GFOD1: variants seen among roughly 807,000 people sequenced by gnomAD.
The protein encoded by GFOD1 is glucose-fructose oxidoreductase domain-containing protein 1.
Under a neutral mutation model 25.4 loss-of-function variants are expected in GFOD1, and 9 were observed. The observed-to-expected ratio is 0.35, with a 90% CI of 0.21 to 0.62. GFOD1 has a LOEUF of 0.62. GFOD1 is among the 20% of genes least tolerant of loss of function. The pLI is 0.72. For missense variants in GFOD1, 403 were observed against 556.9 expected (o/e 0.72, Z 2.78); for synonymous variants, 253 against 245.6 (o/e 1.03, Z -0.28).
rs150194435 is a variant in GFOD1, at chr6:13,389,719, A to G, written c.254-24057T>C. ...ATGGCACATGTATACCTATGTAACAAACCTGCAAGTTCTGTACATGTACCC... is the reference window on the plus strand; with the variant it reads ...ATGGCACATGTATACCTATGTAACAGACCTGCAAGTTCTGTACATGTACCC... On this transcript the variant is annotated intron_variant, in intron 1 of 1. Transcript: ENST00000379287. Among the ~76,000 whole-genome samples, 207 of 152,278 alleles carry G rather than the reference A, an allele frequency of 1.4e-3. 2 individuals are homozygous for G. In the East Asian group the frequency reaches 0.037, roughly 27 times the overall value.
At chr6:13,455,934 T>C (rs559865047) in intron 1 of GFOD1, among the ~76,000 whole-genome samples, 3 of 152,360 alleles carry the variant, frequency 2.0e-5, no homozygotes, top group East Asian at 1.9e-4. Context: ...ACTAGAGGCA[T>C]ACCTCTGTCT....
chr6:13,427,696 T>G (rs898524055), intron 1 of GFOD1, among the ~76,000 whole-genome samples: 8 of 152,238 alleles, frequency 5.3e-5, no homozygotes, highest in African/African-American at 1.9e-4. Context: ...TTTTCAGAAT[T>G]CAATTTGTAT....
intron 1 of GFOD1, among the ~76,000 whole-genome samples, chr6:13,428,175 T>C (rs1426424947): frequency 2.0e-5 from 3 of 152,178 alleles, no homozygotes; most frequent in African/African-American, 7.2e-5. Context: ...TTGAACTCCT[T>C]TTCTTCTCAG....
At chr6:13,478,075 A>C (rs1284732460) in intron 1 of GFOD1, among the ~76,000 whole-genome samples, 1 of 151,904 alleles carries the variant, frequency 6.6e-6, no homozygotes, top group East Asian at 1.9e-4. Flanking sequence ...AAAAAAAAAA[A>C]AACAAAACAA....
At chr6:13,464,563 A>G (rs1758347295) in intron 1 of GFOD1, among the ~76,000 whole-genome samples, 1 of 152,220 alleles carries the variant, frequency 6.6e-6, no homozygotes, top group Non-Finnish European at 1.5e-5. Context: ...TGGCTAAGCC[A>G]CAACAGCCAG....
chr6:13,392,034 C>T (rs1020396151), intron 1 of GFOD1, among the ~76,000 whole-genome samples: 2 of 152,164 alleles, frequency 1.3e-5, no homozygotes, highest in Admixed American at 6.5e-5. Context: ...CTCTGGTAGA[C>T]ACGAGGAGAC....
chr6:13,365,309 C>T lies in GFOD1; in HGVS notation c.607G>A (p.Val203Met), dbSNP rs1785020765. 4 of 1,614,198 alleles carry T rather than the reference C, an allele frequency of 2.5e-6. No individual in the cohort carries two copies. Among genetic ancestry groups the T allele is most frequent in the Admixed American group, 3.3e-5 (2 of 60,036 alleles). Reference sequence around the variant, plus strand: ...CCCTTGATGTGGTCAGTCTGCTTCACGAAGGTCTTGAGCAGCCCGTGGACC... The same window carrying T: ...CCCTTGATGTGGTCAGTCTGCTTCATGAAGGTCTTGAGCAGCCCGTGGACC... The part of the protein sequence containing the change: ...VKVHGLLKTF[V>M]KQTDHIKGIR... Residue 203 changes from valine (V) to methionine (M), a missense_variant, in exon 2 of 2, where the codon GTG becomes ATG. Transcript: ENST00000379287. This position sits in a 1 kb window ranked among gnomAD's most constrained non-coding sequence, Gnocchi z 9.2.
At chr6:13,426,083 C>T (rs1238510022) in intron 1 of GFOD1, among the ~76,000 whole-genome samples, 1 of 152,234 alleles carries the variant, frequency 6.6e-6, no homozygotes, top group Non-Finnish European at 1.5e-5. Context: ...AGCTCTACCT[C>T]TAAGTCTCCA....
At chr6:13,398,595 A>G (rs1785782654) in intron 1 of GFOD1, among the ~76,000 whole-genome samples, 2 of 152,226 alleles carry the variant, frequency 1.3e-5, no homozygotes, top group South Asian at 4.1e-4. Context: ...GCAGCGTCCA[A>G]GGAGCTCACA....
chr6:13,424,825 T>C (rs1383019002), intron 1 of GFOD1, among the ~76,000 whole-genome samples: 1 of 152,124 alleles, frequency 6.6e-6, no homozygotes, highest in African/African-American at 2.4e-5. Flanking sequence ...AGAGAACTTC[T>C]CATGAGGGGA....
At chr6:13,486,256 C>T (rs1469932727) in intron 1 of GFOD1, 8 of 305,644 alleles carry the variant, frequency 2.6e-5, no homozygotes, top group Non-Finnish European at 3.2e-5. Context: ...ATCCCCCCCC[C>T]CCACACACAC....
At chr6:13,401,232 C>T (rs1785835433) in intron 1 of GFOD1, among the ~76,000 whole-genome samples, 2 of 152,176 alleles carry the variant, frequency 1.3e-5, no homozygotes, top group South Asian at 4.1e-4. Flanking sequence ...ACGGAGGAGA[C>T]TTGAAAGGTC....
intron 1 of GFOD1, among the ~76,000 whole-genome samples, chr6:13,443,402 A>G (rs189378370): frequency 1.0e-3 from 156 of 152,364 alleles, no homozygotes; most frequent in East Asian, 7.7e-4. Context: ...AGTGACTCCA[A>G]TTTTGAAAGA....
intron 1 of GFOD1, among the ~76,000 whole-genome samples, chr6:13,445,464 T>C (rs914346461): frequency 3.3e-5 from 5 of 152,102 alleles, no homozygotes; most frequent in African/African-American, 1.2e-4. Context: ...GCCATAGAAT[T>C]AAAACTATTT....
chr6:13,407,506 A>G (rs1785970559), intron 1 of GFOD1, among the ~76,000 whole-genome samples: 1 of 152,172 alleles, frequency 6.6e-6, no homozygotes, highest in Admixed American at 6.5e-5. Flanking sequence ...GCACTCCTTG[A>G]CCAGAATGGC....
intron 1 of GFOD1, among the ~76,000 whole-genome samples, chr6:13,393,368 CAA>C (rs70989853): frequency 0.56 from 40,407 of 72,770 alleles, 9,990 homozygotes; most frequent in South Asian, 0.69. Flanking sequence ...AAACAACCAC[CAA>C]AAAAAAAAAA....
chr6:13,443,442 C>G (rs1198479959), intron 1 of GFOD1, among the ~76,000 whole-genome samples: 1 of 151,920 alleles, frequency 6.6e-6, no homozygotes, highest in East Asian at 1.9e-4. Flanking sequence ...TGCTATCAAA[C>G]AGTATCACAT....
chr6:13,479,787 C>T (rs1339732444), intron 1 of GFOD1, among the ~76,000 whole-genome samples: 1 of 152,194 alleles, frequency 6.6e-6, no homozygotes, highest in Non-Finnish European at 1.5e-5. Flanking sequence ...CAATAATGCC[C>T]AAGGGCTTCC....
chr6:13,370,545 G>A (rs879574056), intron 1 of GFOD1, among the ~76,000 whole-genome samples: 10 of 151,866 alleles, frequency 6.6e-5, no homozygotes, highest in African/African-American at 1.9e-4. Context: ...TACCTCTCTC[G>A]GTGGGCTTCT....
Sources: gnomAD v4.1 joint callset for allele counts (sites outside exome capture counted in the v4.1 genomes callset) on GRCh38, gnomAD v4.1.1 for gene constraint, Gnocchi (gnomAD v3.1) non-coding constraint, MANE v1.5 for transcripts, NCBI Gene and HGNC (gene_info 2026-07-23, HGNC 2026-07-21) for gene names.